The following SCN11A variants were observed in gnomAD, a reference collection of about 807,000 sequenced individuals.
SCN11A encodes sodium channel protein type 11 subunit alpha.
Under a neutral mutation model 162.2 loss-of-function variants are expected in SCN11A, and 122 were observed. The ratio of observed to expected loss-of-function variants is 0.75; its 90% CI spans 0.65 to 0.87. The LOEUF is 0.87. SCN11A is among the 40% of genes least tolerant of loss of function. The pLI is 0.00. For missense variants in SCN11A, 2,015 were observed against 2,181.6 expected (o/e 0.92, Z 1.52); for synonymous variants, 758 against 751.5 (o/e 1.01, Z -0.14).
At chr3:39,021,233 T>C (rs1335238221) in intron 2 of SCN11A, among the ~76,000 whole-genome samples, 1 of 151,996 alleles carries the variant, frequency 6.6e-6, no homozygotes, top group African/African-American at 2.4e-5. Context: ...AAATCCCTAG[T>C]TAGAGGTTAG....
intron 1 of SCN11A, among the ~76,000 whole-genome samples, chr3:39,047,681 CA>C (rs149616579): frequency 0.07 from 10,550 of 151,186 alleles, 1,171 homozygotes; most frequent in African/African-American, 0.23. Context: ...AACTCAATAG[CA>C]AAAAAAACCC....
Position 38,960,743 on chromosome 3 carries a change from C to T in SCN11A, c.-279-320G>A, listed in dbSNP as rs144826640. ...ACCCAGTGTTCTGGGGTCTCACCCC[C>T]CACAGGACCCACTGAGGCCCACACA... On this transcript the variant is annotated intron_variant, in intron 2 of 29. Coordinates refer to ENST00000302328, the MANE Select transcript of SCN11A (RefSeq NM_001349253.2). Among the ~76,000 whole-genome samples, 26 of 152,302 alleles carry T rather than the reference C, an allele frequency of 1.7e-4. No individual in the cohort carries two copies. The East Asian group carries it at 4.4e-3, about 26-fold the overall frequency.
intron 28 of SCN11A, among the ~76,000 whole-genome samples, chr3:38,853,310 C>T (rs887063927): frequency 6.6e-6 from 1 of 152,074 alleles, no homozygotes. Context: ...TCTCTCTTTT[C>T]TTGTTGTTGG....
intron 2 of SCN11A, among the ~76,000 whole-genome samples, chr3:39,002,591 G>C (rs1338610820): frequency 6.6e-6 from 1 of 152,202 alleles, no homozygotes; most frequent in Non-Finnish European, 1.5e-5. Flanking sequence ...TGTAAGATGT[G>C]AGGAGACAGA....
chr3:38,920,121 G>A (rs1212251196), intron 10 of SCN11A, 120 bp from the exon 11 acceptor site: 1 of 755,604 alleles, frequency 1.3e-6, no homozygotes, highest in Non-Finnish European at 2.2e-6. Flanking sequence ...AATGATTAAA[G>A]GAGGTGTGTC....
chr3:38,978,371 C>T lies in SCN11A; in HGVS notation c.-279-17948G>A, dbSNP rs562844139. 3.9e-5 allele frequency among the ~76,000 whole-genome samples: 6 copies of T among 152,316 alleles called. No individual in the cohort carries two copies. In the South Asian group the frequency reaches 1.2e-3, roughly 32 times the overall value. On this transcript the variant is annotated intron_variant, in intron 2 of 29. Transcript: ENST00000302328. ...AAAAATGAATAACACTTTTCCTCGG[C>T]ACGGTAGCTCATACCTGTAATCCCA... is the stretch of plus-strand genomic sequence containing the variant.
rs1470043923 is a variant in SCN11A at position 38,950,189 on chromosome 3, G to C, written c.174C>G (p.Ala58=). ...PQPRPQLDLK[A]SRKLPKLYGD... ...CATAGAGCTTGGGCAACTTCCTGGA[G>C]GCCTTTAGGTCAAGCTGAGGCCGAG... The change falls in exon 5 of 30, where the codon GCC becomes GCG. Residue 58 remains alanine, a synonymous_variant. Transcript: ENST00000302328. 6.2e-7 allele frequency: 1 copy of C among 1,613,524 alleles called. No homozygotes were observed.
At chr3:38,949,001 T>C (rs756773421) in intron 5 of SCN11A, among the ~76,000 whole-genome samples, 16 of 152,248 alleles carry the variant, frequency 1.1e-4, no homozygotes, top group Non-Finnish European at 2.2e-4. Context: ...TACTTTCCTC[T>C]GTATATGTGG....
chr3:38,883,369 G>A lies in SCN11A; in HGVS notation c.3083C>T (p.Pro1028Leu), dbSNP rs146367296. 1.4e-5 allele frequency: 22 copies of A among 1,612,824 alleles called. No homozygotes were observed. Among genetic ancestry groups the A allele is most frequent in the Non-Finnish European group, 1.8e-5 (21 of 1,179,642 alleles). The change falls in exon 22 of 30, where the codon CCA becomes CTA. Residue 1028 changes from proline to leucine, a missense_variant. Transcript: ENST00000302328. Reference protein sequence around the residue: ...CLPKGFGCCFPCCSVDKRKPP... With the variant: ...CLPKGFGCCFLCCSVDKRKPP... ...CTTTCTCTTGTCCACGCTACAGCAT[G>A]GAAAGCAGCAACCAAAGCCTGAAAG... is the stretch of plus-strand genomic sequence containing the variant.
At chr3:38,982,407 GCAT>G (rs2030088601) in intron 2 of SCN11A, among the ~76,000 whole-genome samples, 1 of 152,134 alleles carries the variant, frequency 6.6e-6, no homozygotes, top group African/African-American at 2.4e-5. Flanking sequence ...GCCCACTAAG[GCAT>G]CCTTTTTTCT....
At chr3:39,026,475 T>C (rs907812426) in intron 2 of SCN11A, among the ~76,000 whole-genome samples, 5 of 152,208 alleles carry the variant, frequency 3.3e-5, no homozygotes, top group African/African-American at 9.6e-5. Context: ...CTTCCCATGA[T>C]ACCAGTGATT....
intron 2 of SCN11A, among the ~76,000 whole-genome samples, chr3:39,007,492 T>G (rs2031010883): frequency 6.6e-6 from 1 of 152,142 alleles, no homozygotes; most frequent in Non-Finnish European, 1.5e-5. Flanking sequence ...AGGGTCTGGT[T>G]GCCAGAAAGA....
At chr3:38,915,610 T>C (rs73068547) in intron 11 of SCN11A, among the ~76,000 whole-genome samples, 20,855 of 152,168 alleles carry the variant, frequency 0.14, 1,657 homozygotes, top group East Asian at 0.24. Flanking sequence ...ATTGCATGGT[T>C]TTAAGTGATT....
intron 5 of SCN11A, among the ~76,000 whole-genome samples, chr3:38,949,505 G>C (rs763369446): frequency 3.9e-5 from 6 of 152,200 alleles, no homozygotes; most frequent in Non-Finnish European, 7.3e-5. Flanking sequence ...CTATGCATCA[G>C]TTGTTGGTTT....
chr3:38,915,667 T>A (rs2065950062), intron 11 of SCN11A, among the ~76,000 whole-genome samples: 1 of 152,126 alleles, frequency 6.6e-6, no homozygotes, highest in Non-Finnish European at 1.5e-5. Context: ...TCCGAGAGTG[T>A]GTTTGGTAAA....
intron 22 of SCN11A, 78 bp from the exon 23 acceptor site, chr3:38,880,201 C>G: frequency 9.5e-7 from 1 of 1,057,286 alleles, no homozygotes; most frequent in Non-Finnish European, 1.4e-6. Context: ...TTTTGTTTTT[C>G]TTCCTTATAT....
intron 26 of SCN11A, among the ~76,000 whole-genome samples, chr3:38,868,170 A>G (rs2065071669): frequency 6.6e-6 from 1 of 152,192 alleles, no homozygotes; most frequent in Non-Finnish European, 1.5e-5. Context: ...TGGCAAAAAG[A>G]TTTCACTTTT....
In SCN11A at chr3:39,011,575, A is replaced by G. The variant is rs141984171; in HGVS notation, c.-280+20805T>C. ...ACAACTCTGAAAAAGGACATATGAT[A>G]AGATATTATCTTTAGTTTCTATAGG... On this transcript the variant is annotated intron_variant, in intron 2 of 29. Coordinates refer to ENST00000302328, the MANE Select transcript of SCN11A (RefSeq NM_001349253.2). Among the ~76,000 whole-genome samples, 627 of 152,322 alleles carry G rather than the reference A, an allele frequency of 4.1e-3. 9 individuals carry two copies. The highest frequency in any genetic ancestry group is 0.014 in the African/African-American group (595 of 41,566).
In SCN11A at chr3:38,963,352, G is replaced by GAGATAT. The variant is rs1196119271; in HGVS notation, c.-279-2930_-279-2929insATATCT. Among the ~76,000 whole-genome samples, 42 of 38,262 alleles carry GAGATAT rather than the reference G, an allele frequency of 1.1e-3. 1 individual carries two copies. Among genetic ancestry groups the GAGATAT allele is most frequent in the South Asian group, 2.7e-3 (2 of 754 alleles). The allele number at this position is 38,262 out of a possible 152,430, so 25.1% of individuals were successfully genotyped here. A position where few individuals can be genotyped will look rare whatever the true frequency, so the allele number is the denominator to read the frequency against. On this transcript the variant is annotated intron_variant, in intron 2 of 29. Transcript: ENST00000302328. ...ATAAAGAAACTATATCTATTTGATG[G>GAGATAT]ATATATATATATATATATATATATA...
Sources: allele counts gnomAD v4.1 joint callset (sites outside exome capture counted in the v4.1 genomes callset), GRCh38; gene constraint gnomAD v4.1.1; transcripts MANE v1.5; gene names NCBI Gene and HGNC (gene_info 2026-07-23, HGNC 2026-07-21).